PCDHGA4: variants seen among roughly 807,000 people sequenced by gnomAD.
PCDHGA4 encodes protocadherin gamma subfamily A, 4, also known as protocadherin gamma-A4.
In PCDHGA4, 38 loss-of-function variants were observed where a neutral mutation model predicts 54.6. That is an observed-to-expected ratio of 0.70 (90% confidence interval 0.54 to 0.91). PCDHGA4 has a LOEUF of 0.91. Among genes scored for constraint, PCDHGA4 ranks in the 40% least tolerant of loss-of-function variants. The pLI, the probability that PCDHGA4 is intolerant of heterozygous loss-of-function variation, is 0.00. For missense variants in PCDHGA4, 1,298 were observed against 1,220.9 expected, an observed-to-expected ratio of 1.06 and a Z score of -0.94; for synonymous variants, 511 against 512.9, an observed-to-expected ratio of 1.00 and a Z score of 0.05.
At chr5:141,383,870 G>A in intron 1 of PCDHGA4, 1 of 1,613,960 alleles carries the variant, frequency 6.2e-7, no homozygotes, top group Non-Finnish European at 8.5e-7. Context: ...GCTCAAGATG[G>A]TCCTGGTAGT....
chr5:141,425,714 A>G (rs1259037833), intron 1 of PCDHGA4, among the ~76,000 whole-genome samples: 1 of 152,218 alleles, frequency 6.6e-6, no homozygotes, highest in African/African-American at 2.4e-5. Context: ...AAATTTTCCC[A>G]TACCACTTGA....
At chr5:141,465,488 G>A (rs2099104080) in intron 1 of PCDHGA4, among the ~76,000 whole-genome samples, 1 of 152,224 alleles carries the variant, frequency 6.6e-6, no homozygotes. Flanking sequence ...AGAGGAATGA[G>A]CGGGAGCATT....
At chr5:141,385,397 A>T (rs1023066700) in intron 1 of PCDHGA4, 2 of 1,492,858 alleles carry the variant, frequency 1.3e-6, no homozygotes, top group Non-Finnish European at 1.8e-6. Flanking sequence ...TGCAAAACAA[A>T]TGTTTTGAAA....
chr5:141,393,896 T>G (rs754023896), intron 1 of PCDHGA4: 1 of 1,613,942 alleles, frequency 6.2e-7, no homozygotes, highest in Non-Finnish European at 8.5e-7. Context: ...AAAATTCTCT[T>G]CCCGGGACAG....
At chr5:141,361,147 C>G in intron 1 of PCDHGA4, 1 of 1,613,956 alleles carries the variant, frequency 6.2e-7, no homozygotes, top group Non-Finnish European at 8.5e-7. Flanking sequence ...AGTTGAAATT[C>G]TTGATGACAA....
intron 1 of PCDHGA4, chr5:141,374,057 C>T (rs768326017): frequency 6.7e-7 from 1 of 1,486,570 alleles, no homozygotes; most frequent in Admixed American, 2.5e-5. Flanking sequence ...TCTTCTTAAT[C>T]CCAGAGAAGT....
intron 1 of PCDHGA4, among the ~76,000 whole-genome samples, chr5:141,425,058 G>A (rs938128250): frequency 1.3e-5 from 2 of 151,986 alleles, no homozygotes; most frequent in African/African-American, 2.4e-5. Context: ...TCTAGGGCTC[G>A]GACAAAAATA....
Position 141,486,740 on chromosome 5 carries a change from T to G in PCDHGA4, c.2515-8067T>G. Reference sequence around the variant, plus strand: ...AGGAGCTGTTCATGCTACTCGATCCTTTGACTATGAGCAAACCCAGACACT... The same window carrying G: ...AGGAGCTGTTCATGCTACTCGATCCGTTGACTATGAGCAAACCCAGACACT... On this transcript the variant is annotated intron_variant, in intron 1 of 3. Transcript: ENST00000571252. This position sits in a 1 kb window ranked among gnomAD's most constrained non-coding sequence, Gnocchi z 5.0. 6.2e-7 allele frequency: 1 copy of G among 1,614,234 alleles called. No individual in the cohort carries two copies. The highest frequency in any genetic ancestry group is 8.5e-7 in the Non-Finnish European group (1 of 1,180,046).
intron 1 of PCDHGA4, chr5:141,422,152 G>A (rs979405624): frequency 1.3e-5 from 20 of 1,575,764 alleles, no homozygotes; most frequent in Non-Finnish European, 1.5e-5. Flanking sequence ...GGGGTCTCTG[G>A]ATTTTGAAAA....
chr5:141,451,809 A>C (rs1316571749), intron 1 of PCDHGA4, among the ~76,000 whole-genome samples: 1 of 150,308 alleles, frequency 6.7e-6, no homozygotes, highest in Non-Finnish European at 1.5e-5. Flanking sequence ...TGAACCCAGG[A>C]GGCGGAGGTT....
intron 1 of PCDHGA4, chr5:141,409,921 G>T (rs767370997): frequency 6.2e-7 from 1 of 1,613,404 alleles, no homozygotes; most frequent in Admixed American, 1.7e-5. Context: ...ACGGCTCCGC[G>T]TTCTTCGATA....
At position 141,491,151 on chromosome 5, in the gene PCDHGA4, T is replaced by C. The variant is rs1283775894; in HGVS notation, c.2515-3656T>C. The C allele has an allele frequency of 6.2e-7, 1 of 1,614,150 alleles. No individual in the cohort carries two copies. On this transcript the variant is annotated intron_variant, in intron 1 of 3. Transcript: ENST00000571252. The surrounding 1 kb of genome is among the most constrained non-coding windows in gnomAD (Gnocchi z 6.9). ...GCACAGCCCGGGCCTTACTGGAGGA[T>C]GACTCTGACACCCAGCAGGTGGTGG...
intron 1 of PCDHGA4, among the ~76,000 whole-genome samples, chr5:141,488,697 A>T (rs1337725245): frequency 6.6e-6 from 1 of 152,162 alleles, no homozygotes; most frequent in Non-Finnish European, 1.5e-5. Context: ...GAAGGACAAG[A>T]TTTTGCTGGT....
At chr5:141,478,576 G>A (rs543160289) in intron 1 of PCDHGA4, 1 of 1,585,480 alleles carries the variant, frequency 6.3e-7, no homozygotes, top group Non-Finnish European at 8.6e-7. Flanking sequence ...GCTTGACCCT[G>A]TTAGTGCTTT....
chr5:141,393,792 C>T, intron 1 of PCDHGA4: 1 of 1,613,908 alleles, frequency 6.2e-7, no homozygotes, highest in Non-Finnish European at 8.5e-7. Context: ...TGTGGGGGCA[C>T]TTCTGGGGAG....
At position 141,361,753 on chromosome 5, in the gene PCDHGA4, C is replaced by T. The variant is rs867300668; in HGVS notation, c.2514+4132C>T. Reference sequence around the variant, plus strand: ...ACTGCAGGCCCGCGACCAGGGCTCGCCCGCGCTCAGCGCCAACGTGAGCCT... The same window carrying T: ...ACTGCAGGCCCGCGACCAGGGCTCGTCCGCGCTCAGCGCCAACGTGAGCCT... On this transcript the variant is annotated intron_variant, in intron 1 of 3. Transcript: ENST00000571252. 3.7e-6 allele frequency: 6 copies of T among 1,613,058 alleles called. No individual in the cohort carries two copies. The East Asian group carries it at 1.3e-4, about 36-fold the overall frequency.
intron 1 of PCDHGA4, chr5:141,376,094 A>T: frequency 6.2e-7 from 1 of 1,613,544 alleles, no homozygotes. Flanking sequence ...GATCCCCGAC[A>T]TCCTGGCCGA....
intron 1 of PCDHGA4, among the ~76,000 whole-genome samples, chr5:141,481,731 A>G (rs1339022274): frequency 6.6e-6 from 1 of 152,060 alleles, no homozygotes; most frequent in African/African-American, 2.4e-5. Context: ...AGGCGGGCGG[A>G]TCACGAGGTC....
intron 1 of PCDHGA4, among the ~76,000 whole-genome samples, chr5:141,449,030 G>C (rs2098623784): frequency 6.6e-6 from 1 of 152,012 alleles, no homozygotes; most frequent in Non-Finnish European, 1.5e-5. Context: ...GCATTCCTTT[G>C]GATTATTAAC....
Sources: allele counts gnomAD v4.1 joint callset (sites outside exome capture counted in the v4.1 genomes callset), GRCh38; gene constraint gnomAD v4.1.1; non-coding constraint Gnocchi (gnomAD v3.1); transcripts MANE v1.5; gene names NCBI Gene and HGNC (gene_info 2026-07-23, HGNC 2026-07-21).